CUX2: variants seen among roughly 807,000 people sequenced by gnomAD.
CUX2 encodes cut like homeobox 2.
In CUX2, 40 loss-of-function variants were observed where a neutral mutation model predicts 144.8. The observed-to-expected ratio is 0.28, with a 90% confidence interval of 0.21 to 0.36. CUX2 has a LOEUF of 0.36. Ranked by LOEUF, CUX2 falls within the 10% of genes least tolerant of loss-of-function variation. The pLI is 1.00. For synonymous variants in CUX2, 827 were observed against 875.6 expected, an observed-to-expected ratio of 0.94 and a Z score of 0.98; for missense variants, 1,615 against 1,994.0, an observed-to-expected ratio of 0.81 and a Z score of 3.62.
rs540742284 is a variant in CUX2, at chr12:111,103,187, A to G, written c.63+68947A>G. Among the ~76,000 whole-genome samples the G allele has an allele frequency of 3.3e-5, 5 of 152,280 alleles. No individual in the cohort carries two copies. In the East Asian group the frequency reaches 7.7e-4, roughly 24 times the overall value. On this transcript the variant is annotated intron_variant, in intron 1 of 21. Transcript: ENST00000261726. ...AGGTCTGGTGTATAGTAGATGCTCA[A>G]CCAATGCTTGTTGGATGGGTGGACA...
intron 4 of CUX2, among the ~76,000 whole-genome samples, chr12:111,284,188 C>T (rs910180446): frequency 3.3e-5 from 5 of 152,162 alleles, no homozygotes; most frequent in Admixed American, 1.3e-4. Flanking sequence ...CCAAAGCACC[C>T]GCCTCCATGG....
intron 4 of CUX2, among the ~76,000 whole-genome samples, chr12:111,279,552 G>GCC (rs1315312766): frequency 3.3e-5 from 5 of 152,170 alleles, no homozygotes; most frequent in Admixed American, 6.5e-5. Flanking sequence ...GCCAGGTGTG[G>GCC]TGGCTCATGC....
chr12:111,099,781 A>C, intron 1 of CUX2: 1 of 431,516 alleles, frequency 2.3e-6, no homozygotes, highest in Admixed American at 2.4e-5. Flanking sequence ...AGCCTGGGTC[A>C]GTGCCCATCA....
At chr12:111,067,519 A>C (rs1871070838) in intron 1 of CUX2, among the ~76,000 whole-genome samples, 1 of 152,154 alleles carries the variant, frequency 6.6e-6, no homozygotes, top group African/African-American at 2.4e-5. Context: ...CAGGAGCCCA[A>C]CCCATGTTTT....
At chr12:111,053,106 G>A (rs1431098659) in intron 1 of CUX2, among the ~76,000 whole-genome samples, 1 of 152,186 alleles carries the variant, frequency 6.6e-6, no homozygotes, top group Non-Finnish European at 1.5e-5. Flanking sequence ...CAGTGCCTCA[G>A]TTTTCTCATC....
At chr12:111,056,903 C>T (rs1870553672) in intron 1 of CUX2, among the ~76,000 whole-genome samples, 1 of 152,108 alleles carries the variant, frequency 6.6e-6, no homozygotes, top group Non-Finnish European at 1.5e-5. Context: ...GTAGATGTGA[C>T]AGGAGGTTGT....
At chr12:111,137,895 T>G (rs1408991163) in intron 1 of CUX2, among the ~76,000 whole-genome samples, 1 of 152,232 alleles carries the variant, frequency 6.6e-6, no homozygotes. Flanking sequence ...CTGACATTGA[T>G]GGCAGAACAG....
At chr12:111,161,528 C>T (rs190411460) in intron 1 of CUX2, among the ~76,000 whole-genome samples, 9 of 152,300 alleles carry the variant, frequency 5.9e-5, no homozygotes, top group Admixed American at 6.5e-5. Context: ...GCCCTGACTA[C>T]CTATTGGCTC....
At chr12:111,135,146 A>G (rs1022034768) in intron 1 of CUX2, among the ~76,000 whole-genome samples, 4 of 152,066 alleles carry the variant, frequency 2.6e-5, no homozygotes, top group African/African-American at 7.2e-5. Context: ...GAAAGACTGT[A>G]AATAGTAGAA....
chr12:111,233,207 C>T (rs1882565785), intron 3 of CUX2, among the ~76,000 whole-genome samples: 1 of 152,240 alleles, frequency 6.6e-6, no homozygotes, highest in Non-Finnish European at 1.5e-5. Context: ...TGTGCCCTGG[C>T]CCCCAGTCTC....
intron 4 of CUX2, chr12:111,270,619 GT>G (rs1390269396): frequency 6.9e-6 from 1 of 145,714 alleles, no homozygotes; most frequent in Non-Finnish European, 1.5e-5. Flanking sequence ...AGGCTAACTT[GT>G]TAACTGAGTG....
rs527584846 is a variant in CUX2 at position 111,037,776 on chromosome 12, T to C, written c.63+3536T>C. On this transcript the variant is annotated intron_variant, in intron 1 of 21. Coordinates refer to ENST00000261726, the MANE Select transcript of CUX2 (RefSeq NM_015267.4). The surrounding 1 kb of genome is among the most constrained non-coding windows in gnomAD (Gnocchi z 5.4). ...TTATGATTTTCTTTTTCTGCTTAAC[T>C]TTCTACTTTTTTTTTTTACCATGCT... 3.3e-5 allele frequency among the ~76,000 whole-genome samples: 5 copies of C among 152,330 alleles called. No homozygotes were observed. The South Asian group carries it at 1.0e-3, about 32-fold the overall frequency.
intron 3 of CUX2, among the ~76,000 whole-genome samples, chr12:111,232,503 AAAAAT>A (rs1389738082): frequency 2.0e-5 from 3 of 152,204 alleles, no homozygotes; most frequent in Admixed American, 6.5e-5. Context: ...CCTTGTCTCA[AAAAAT>A]AAAATAAAAT....
intron 3 of CUX2, among the ~76,000 whole-genome samples, chr12:111,262,921 C>T (rs990644257): frequency 3.3e-5 from 5 of 152,202 alleles, no homozygotes; most frequent in African/African-American, 9.6e-5. Flanking sequence ...TAACAGGTGT[C>T]ACCAACACAC....
intron 1 of CUX2, among the ~76,000 whole-genome samples, chr12:111,050,464 T>C (rs1327572665): frequency 1.3e-5 from 2 of 152,220 alleles, no homozygotes; most frequent in Non-Finnish European, 2.9e-5. Flanking sequence ...TTTTCTTGAA[T>C]GTCTGTCTCA....
At chr12:111,267,657 A>T (rs997403436) in intron 4 of CUX2, among the ~76,000 whole-genome samples, 2 of 152,190 alleles carry the variant, frequency 1.3e-5, no homozygotes, top group Admixed American at 6.5e-5. Context: ...CAGGCCCAAG[A>T]TCAAGGTGTC....
Position 111,293,447 on chromosome 12 carries a change from G to A in CUX2, c.438G>A (p.Glu146=). 1 of 1,607,688 alleles carries A rather than the reference G, an allele frequency of 6.2e-7. No homozygotes were observed. The highest frequency in any genetic ancestry group is 8.5e-7 in the Non-Finnish European group (1 of 1,177,942). Residue 146 remains glutamate (E), a splice_region_variant and synonymous_variant, in exon 6 of 22, where the codon GAG becomes GAA. Transcript: ENST00000261726. This position sits in a 1 kb window ranked among gnomAD's most constrained non-coding sequence, Gnocchi z 4.5. The part of the protein sequence containing the change: ...KRNPELLSPK[E]QREGTSPAGP... ...TTTTCCCTCTTTTTCTCCCTGCAGA[G>A]CAGAGAGAGGGGACGTCGCCTGCCG...
At chr12:111,115,386 C>A (rs963764744) in intron 1 of CUX2, among the ~76,000 whole-genome samples, 1 of 149,076 alleles carries the variant, frequency 6.7e-6, no homozygotes, top group Non-Finnish European at 1.5e-5. Flanking sequence ...CCCAGGTTCA[C>A]GCCATTCTCC....
At chr12:111,163,347 A>G (rs987876385) in intron 1 of CUX2, among the ~76,000 whole-genome samples, 4 of 152,258 alleles carry the variant, frequency 2.6e-5, no homozygotes, top group African/African-American at 9.6e-5. Flanking sequence ...CTGTGTTGCA[A>G]TGACTCAACC....
Sources: allele counts gnomAD v4.1 joint callset (sites outside exome capture counted in the v4.1 genomes callset), GRCh38; gene constraint gnomAD v4.1.1; non-coding constraint Gnocchi (gnomAD v3.1); transcripts MANE v1.5; gene names NCBI Gene and HGNC (gene_info 2026-07-23, HGNC 2026-07-21).